Variants in ZNF257 observed in about 807,000 individuals in gnomAD.
The protein encoded by ZNF257 is zinc finger protein 257, also known as bone marrow zinc finger 4.
Under a neutral mutation model 11.9 loss-of-function variants are expected in ZNF257, and 12 were observed. The ratio of observed to expected loss-of-function variants is 1.01; its 90% CI spans 0.65 to 1.63. The LOEUF is 1.63. Ranked by LOEUF, ZNF257 falls within the 40% of genes most tolerant of loss-of-function variation. ZNF257 has a pLI of 0.00. For missense variants in ZNF257, 580 were observed against 665.5 expected, an observed-to-expected ratio of 0.87 and a Z score of 1.41; for synonymous variants, 183 against 222.7, an observed-to-expected ratio of 0.82 and a Z score of 1.59.
intron 3 of ZNF257, among the ~76,000 whole-genome samples, chr19:22,085,404 T>C (rs547839045): frequency 6.6e-6 from 1 of 152,130 alleles, no homozygotes; most frequent in Non-Finnish European, 1.5e-5. Context: ...TTAAGATTTA[T>C]TTTTTGACCT....
chr19:22,066,182 C>A (rs2021939829), intron 1 of ZNF257: 1 of 153,300 alleles, frequency 6.5e-6, no homozygotes, highest in Admixed American at 6.5e-5. Flanking sequence ...TTATGCGTAT[C>A]CCGTGGTGTC....
intron 3 of ZNF257, among the ~76,000 whole-genome samples, chr19:22,079,542 CAA>C (rs1340284038): frequency 6.6e-6 from 1 of 152,106 alleles, no homozygotes; most frequent in Non-Finnish European, 1.5e-5. Context: ...TGGTGGAAGA[CAA>C]GAGGGCGTTA....
intron 1 of ZNF257, among the ~76,000 whole-genome samples, chr19:22,072,147 A>T (rs11879438): frequency 0.049 from 7,504 of 152,266 alleles, 647 homozygotes; most frequent in African/African-American, 0.17. Context: ...TCAGCACATC[A>T]TAAAAATTTG....
At chr19:22,057,601 T>TA (rs928391520) in intron 1 of ZNF257, among the ~76,000 whole-genome samples, 49 of 152,136 alleles carry the variant, frequency 3.2e-4, no homozygotes, top group African/African-American at 1.1e-3. Context: ...GATTTATGTT[T>TA]AAAAAAAATT....
chr19:22,056,054 CAAAAA>C (rs139730834), intron 1 of ZNF257, among the ~76,000 whole-genome samples: 2 of 116,674 alleles, frequency 1.7e-5, no homozygotes. Flanking sequence ...GACTCCGTCT[CAAAAA>C]AAAAAAAAAA....
At position 22,072,869 on chromosome 19, in the gene ZNF257, G is replaced by A; in HGVS notation, c.64G>A (p.Asp22Asn). The A allele has an allele frequency of 6.2e-7, 1 of 1,613,402 alleles. No individual in the cohort carries two copies. Among genetic ancestry groups the A allele is most frequent in the South Asian group, 1.1e-5 (1 of 91,042 alleles). Residue 22 changes from aspartate (D) to asparagine (N), a missense_variant, in exon 2 of 4, where the codon GAC (aspartate) becomes AAC (asparagine). Transcript: ENST00000594947. ...CTCTCTGGAGGAGTGGCATTGCCTG[G>A]ACACTGCACAGCAGAATTTATATAG... ...EFSLEEWHCL[D>N]TAQQNLYRDV...
At chr19:22,087,141 TG>T (rs1366270767) in intron 3 of ZNF257, among the ~76,000 whole-genome samples, 1 of 152,026 alleles carries the variant, frequency 6.6e-6, no homozygotes, top group African/African-American at 2.4e-5. Flanking sequence ...TATTTTATAA[TG>T]ATTGCTTTCT....
At chr19:22,066,907 G>A (rs2021962871) in intron 1 of ZNF257, among the ~76,000 whole-genome samples, 1 of 152,128 alleles carries the variant, frequency 6.6e-6, no homozygotes, top group East Asian at 1.9e-4. Flanking sequence ...GGTTAATTGT[G>A]TAATAAAACA....
rs2021897970 is a variant in ZNF257, at chr19:22,064,815, G to A, written c.4-7994G>A. 2.6e-5 allele frequency among the ~76,000 whole-genome samples: 4 copies of A among 152,214 alleles called. No individual in the cohort carries two copies. In the South Asian group the frequency reaches 8.3e-4, roughly 32 times the overall value. On this transcript the variant is annotated intron_variant, in intron 1 of 3. Coordinates refer to ENST00000594947, the MANE Select transcript of ZNF257 (RefSeq NM_033468.4). ...TCACACCTGTAATTCCAGCACTTTG[G>A]GAGGCCGAGGTGGGCAGATCACGAG...
chr19:22,060,952 T>C (rs1469427012), intron 1 of ZNF257, among the ~76,000 whole-genome samples: 1 of 152,242 alleles, frequency 6.6e-6, no homozygotes, highest in Admixed American at 6.5e-5. Flanking sequence ...AGAATAAATT[T>C]TGGGGCTCTT....
At chr19:22,065,774 C>T (rs2021928980) in intron 1 of ZNF257, 1 of 152,128 alleles carries the variant, frequency 6.6e-6, no homozygotes, top group African/African-American at 2.4e-5. Flanking sequence ...AACTATGTTG[C>T]AAGCTCAAAT....
chr19:22,073,246 T>G (rs990422748), intron 2 of ZNF257, among the ~76,000 whole-genome samples: 1 of 152,124 alleles, frequency 6.6e-6, no homozygotes, highest in Non-Finnish European at 1.5e-5. Flanking sequence ...CACCTTAAAA[T>G]CTAATTGCTA....
At chr19:22,070,656 T>C (rs1386716633) in intron 1 of ZNF257, among the ~76,000 whole-genome samples, 2 of 152,146 alleles carry the variant, frequency 1.3e-5, no homozygotes, top group African/African-American at 2.4e-5. Context: ...GTGGTTGTCT[T>C]CATTTGCCCT....
chr19:22,062,523 C>T (rs1035446697), intron 1 of ZNF257, among the ~76,000 whole-genome samples: 10 of 150,676 alleles, frequency 6.6e-5, no homozygotes, highest in African/African-American at 2.4e-4. Context: ...CTCCTTGTTG[C>T]CCAGGCTGGA....
Position 22,072,576 on chromosome 19 carries a change from A to C in ZNF257, c.4-233A>C, listed in dbSNP as rs148681807. Among the ~76,000 whole-genome samples, 1,450 of 152,242 alleles carry C rather than the reference A, an allele frequency of 9.5e-3. 18 individuals carry two copies. Among genetic ancestry groups the C allele is most frequent in the African/African-American group, 0.013 (527 of 41,530 alleles). On this transcript the variant is annotated intron_variant, in intron 1 of 3. Coordinates refer to ENST00000594947, the MANE Select transcript of ZNF257 (RefSeq NM_033468.4). ...TCTCTCATTTGACCTTGAGACATTA[A>C]AAATTCTGCCCTGGCTGCTTGGTAA...
chr19:22,066,887 TCA>T (rs79016389), intron 1 of ZNF257, among the ~76,000 whole-genome samples: 36,015 of 152,042 alleles, frequency 0.24, 5,785 homozygotes, highest in African/African-American at 0.46. Flanking sequence ...ATGATGCACT[TCA>T]CATTCTAGGT....
intron 1 of ZNF257, among the ~76,000 whole-genome samples, chr19:22,056,616 C>G (rs1451548108): frequency 1.3e-5 from 2 of 151,876 alleles, no homozygotes; most frequent in African/African-American, 4.8e-5. Flanking sequence ...GCTGGGACTA[C>G]AGGCACCCGC....
intron 3 of ZNF257, chr19:22,074,647 G>A (rs755211016): frequency 2.6e-5 from 4 of 151,944 alleles, no homozygotes; most frequent in South Asian, 2.1e-4. Flanking sequence ...CACCGCGCCC[G>A]GCCAGAAATT....
chr19:22,074,150 G>A (rs1305287496), intron 3 of ZNF257, among the ~76,000 whole-genome samples: 1 of 151,092 alleles, frequency 6.6e-6, no homozygotes, highest in African/African-American at 2.4e-5. Context: ...TTCCGTTACT[G>A]TGAAAAAAAC....
Sources: allele counts gnomAD v4.1 joint callset (sites outside exome capture counted in the v4.1 genomes callset), GRCh38; gene constraint gnomAD v4.1.1; transcripts MANE v1.5; gene names NCBI Gene and HGNC (gene_info 2026-07-23, HGNC 2026-07-21).